Variants in MIR2052HG observed in about 807,000 individuals in gnomAD.
MIR2052HG encodes the protein MIR2052 host gene.
chr8:74,652,582 A>G (rs1808764391), intron 2 of MIR2052HG, among the ~76,000 whole-genome samples: 1 of 152,138 alleles, frequency 6.6e-6, no homozygotes, highest in African/African-American at 2.4e-5. Context: ...AAATGATTTA[A>G]TGGTTAAATA....
At chr8:74,624,095 C>G (rs1442543485) in intron 2 of MIR2052HG, among the ~76,000 whole-genome samples, 4 of 152,140 alleles carry the variant, frequency 2.6e-5, no homozygotes, top group Non-Finnish European at 5.9e-5. Context: ...ACCAAGAGAA[C>G]TAATATATGT....
chr8:74,631,237 T>G (rs148472325), intron 2 of MIR2052HG, among the ~76,000 whole-genome samples: 3 of 152,334 alleles, frequency 2.0e-5, no homozygotes, highest in South Asian at 4.1e-4. Flanking sequence ...GCCAGACTCC[T>G]CATTTGGTTA....
chr8:74,659,976 C>G (rs1217670518), intron 2 of MIR2052HG, among the ~76,000 whole-genome samples: 2 of 152,016 alleles, frequency 1.3e-5, no homozygotes, highest in Non-Finnish European at 1.5e-5. Flanking sequence ...TCATAAGAAA[C>G]AGAGATATGC....
At chr8:74,602,869 C>CT (rs1186986947) in intron 1 of MIR2052HG, among the ~76,000 whole-genome samples, 21 of 147,572 alleles carry the variant, frequency 1.4e-4, no homozygotes, top group South Asian at 4.3e-4. Flanking sequence ...TTCTTTCTTT[C>CT]TTTCTTTTTT....
At chr8:74,702,547 T>G (rs1318626089) in intron 3 of MIR2052HG, 2 of 239,066 alleles carry the variant, frequency 8.4e-6, no homozygotes, top group South Asian at 8.3e-5. Flanking sequence ...GTAAGCCAGA[T>G]TCAAAGCTTT....
chr8:74,654,654 G>A (rs1808785904), intron 2 of MIR2052HG, among the ~76,000 whole-genome samples: 1 of 152,120 alleles, frequency 6.6e-6, no homozygotes, highest in Non-Finnish European at 1.5e-5. Context: ...GACCTCCCCA[G>A]CCATGTGGAA....
chr8:74,670,372 T>C (rs2128737937), intron 2 of MIR2052HG, among the ~76,000 whole-genome samples: 1 of 152,274 alleles, frequency 6.6e-6, no homozygotes, highest in Non-Finnish European at 1.5e-5. Context: ...TGCTATTCTT[T>C]CCGGTAATAT....
At chr8:74,732,495 G>T (rs896898331) in intron 4 of MIR2052HG, among the ~76,000 whole-genome samples, 3 of 152,060 alleles carry the variant, frequency 2.0e-5, no homozygotes, top group African/African-American at 7.2e-5. Context: ...GGGTGCTGGG[G>T]ATTACTTATT....
chr8:74,602,853 C>CTTTCT (rs1808033906), intron 1 of MIR2052HG, among the ~76,000 whole-genome samples: 1 of 143,820 alleles, frequency 7.0e-6, no homozygotes, highest in African/African-American at 2.6e-5. Flanking sequence ...TTCTTTCTTT[C>CTTTCT]TTTCTTTCTT....
rs79648846 is a variant in MIR2052HG at position 74,634,999 on chromosome 8, A to G, written n.216+22059A>G. Among the ~76,000 whole-genome samples the G allele has an allele frequency of 3.4e-3, 518 of 152,330 alleles. 2 individuals are homozygous for G. Among genetic ancestry groups the G allele is most frequent in the African/African-American group, 0.012 (494 of 41,578 alleles). ...ATATTCATTAGTCTAATTTTTATCT[A>G]ATAATTCCATGAAGAACAAGGTAAG... On this transcript the variant is annotated intron_variant and non_coding_transcript_variant, in intron 2 of 6. Transcript: ENST00000523442.
chr8:74,632,006 T>C (rs1563518372), intron 2 of MIR2052HG, among the ~76,000 whole-genome samples: 1 of 152,216 alleles, frequency 6.6e-6, no homozygotes, highest in Non-Finnish European at 1.5e-5. Context: ...CATATAAATT[T>C]GGAGGGACAC....
intron 2 of MIR2052HG, among the ~76,000 whole-genome samples, chr8:74,626,164 C>A (rs747888020): frequency 6.6e-6 from 1 of 152,164 alleles, no homozygotes; most frequent in Non-Finnish European, 1.5e-5. Flanking sequence ...TCACTCAGAG[C>A]AGAGCAGCAA....
rs190122192 is a variant in MIR2052HG at position 74,740,954 on chromosome 8, G to A, written n.372-11487G>A. 4.3e-4 allele frequency among the ~76,000 whole-genome samples: 65 copies of A among 152,272 alleles called. 1 individual carries two copies. The highest frequency in any genetic ancestry group is 1.4e-3 in the African/African-American group (60 of 41,552). The stretch of plus-strand genomic sequence containing the variant: ...AACGTTCTCAATATTCCCAGTAGTT[G>A]TATTCTATAAAATTGCTGTAAATGC... On this transcript the variant is annotated intron_variant and non_coding_transcript_variant, in intron 4 of 6. Transcript: ENST00000523442.
At chr8:74,682,153 T>TA (rs972112940) in intron 2 of MIR2052HG, among the ~76,000 whole-genome samples, 1 of 152,110 alleles carries the variant, frequency 6.6e-6, no homozygotes, top group Non-Finnish European at 1.5e-5. Context: ...ATACAATATA[T>TA]AAAAAATGCA....
At chr8:74,671,310 G>T (rs550565479) in intron 2 of MIR2052HG, among the ~76,000 whole-genome samples, 1 of 152,020 alleles carries the variant, frequency 6.6e-6, no homozygotes, top group Non-Finnish European at 1.5e-5. Context: ...CTGAATTTTT[G>T]CTATCACTTA....
At chr8:74,723,330 G>A (rs1327362473) in intron 4 of MIR2052HG, among the ~76,000 whole-genome samples, 1 of 152,116 alleles carries the variant, frequency 6.6e-6, no homozygotes, top group Non-Finnish European at 1.5e-5. Context: ...CCAAATTGAT[G>A]GAATCCACCA....
At chr8:74,719,738 C>T (rs972064218) in intron 4 of MIR2052HG, among the ~76,000 whole-genome samples, 1 of 151,866 alleles carries the variant, frequency 6.6e-6, no homozygotes, top group Non-Finnish European at 1.5e-5. Flanking sequence ...TGGTTCTCCT[C>T]ATCTGTTAGA....
intron 2 of MIR2052HG, among the ~76,000 whole-genome samples, chr8:74,639,087 C>T (rs1808612541): frequency 1.3e-5 from 2 of 152,122 alleles, no homozygotes; most frequent in African/African-American, 2.4e-5. Context: ...AAAAGTATTT[C>T]TATGGGTAAA....
At chr8:74,631,861 T>G (rs1320370187) in intron 2 of MIR2052HG, among the ~76,000 whole-genome samples, 1 of 152,158 alleles carries the variant, frequency 6.6e-6, no homozygotes, top group Non-Finnish European at 1.5e-5. Flanking sequence ...TGTCTTCACA[T>G]GGTGAAAAGG....
Sources: gnomAD v4.1 joint callset for allele counts (sites outside exome capture counted in the v4.1 genomes callset) on GRCh38, gnomAD v4.1.1 for gene constraint, MANE v1.5 for transcripts, NCBI Gene and HGNC (gene_info 2026-07-23, HGNC 2026-07-21) for gene names.